Variants in SPINT2 observed in about 807,000 individuals in gnomAD.
SPINT2 encodes serine peptidase inhibitor, Kunitz type 2, also known as kunitz-type protease inhibitor 2.
A neutral mutation model predicts 30.1 loss-of-function variants in SPINT2; 18 were observed. The observed-to-expected ratio is 0.60, with a 90% CI of 0.41 to 0.89. SPINT2 has a LOEUF of 0.89. SPINT2 is among the 40% of genes least tolerant of loss of function. The pLI is 0.00. For missense variants in SPINT2, 276 were observed against 334.3 expected, an observed-to-expected ratio of 0.83 and a Z score of 1.36; for synonymous variants, 139 against 137.9, an observed-to-expected ratio of 1.01 and a Z score of -0.05.
chr19:38,287,439 T>C (rs8105067), intron 2 of SPINT2, among the ~76,000 whole-genome samples: 60,509 of 152,078 alleles, frequency 0.4, 12,773 homozygotes, highest in East Asian at 0.64. Context: ...CCTCGCGATC[T>C]GCCCACCCTG....
Position 38,288,943 on chromosome 19 carries a change from C to T in SPINT2, c.338-195C>T, listed in dbSNP as rs147181710. On this transcript the variant is annotated intron_variant, in intron 3 of 6. Coordinates refer to ENST00000301244, the MANE Select transcript of SPINT2 (RefSeq NM_021102.4). ...CCCTGAGGTGGCGGCAGGGCCACCA[C>T]ATCCAGCACTCTCAGTGTGTGCGTA... 3 of 594,126 alleles carry T rather than the reference C, an allele frequency of 5.0e-6. No homozygotes were observed. The African/African-American group carries it at 5.6e-5, about 11-fold the overall frequency. 36.8% of individuals were successfully genotyped at this position (594,126 alleles called of 1,614,324 possible). A position where few individuals can be genotyped will look rare whatever the true frequency, so the allele number is the denominator to read the frequency against.
At position 38,289,761 on chromosome 19, in the gene SPINT2, C is replaced by G. The variant is rs963925219; in HGVS notation, c.392-358C>G. 5.2e-5 allele frequency: 19 copies of G among 366,304 alleles called. No homozygotes were observed. In the Middle Eastern group the frequency reaches 2.8e-3, roughly 55 times the overall value. 22.7% of individuals were successfully genotyped at this position (366,304 alleles called of 1,614,324 possible). On this transcript the variant is annotated intron_variant, in intron 4 of 6. Transcript: ENST00000301244. The stretch of plus-strand genomic sequence containing the variant: ...ACGTGGCTCTGCAATTTACATTGTC[C>G]CTGAACCTCTCGCCAGCGGCTTGGC...
chr19:38,289,744 C>G, intron 4 of SPINT2: 1 of 337,198 alleles, frequency 3.0e-6, no homozygotes, highest in Non-Finnish European at 5.7e-6. Flanking sequence ...GCACGTGGCT[C>G]TGCAATTTAC....
At chr19:38,271,124 T>C (rs1416677604) in intron 1 of SPINT2, among the ~76,000 whole-genome samples, 7 of 152,190 alleles carry the variant, frequency 4.6e-5, no homozygotes, top group African/African-American at 1.2e-4. Context: ...CCTTGGCAGG[T>C]GAAGTAGGAG....
chr19:38,275,932 G>A (rs1220806633), intron 1 of SPINT2, among the ~76,000 whole-genome samples: 1 of 150,284 alleles, frequency 6.7e-6, no homozygotes, highest in Non-Finnish European at 1.5e-5. Context: ...TCTCCATATT[G>A]GTCAGGCTGG....
Position 38,264,941 on chromosome 19 carries a change from C to G in SPINT2, c.49C>G (p.Leu17Val). ...LRRSRAFLAL[L>V]GSLLLSGVLA... ...GCGGAGCCGGGCGTTTCTCGCCCTGCTGGGATCGCTGCTCCTCTCTGGGGT... is the reference window on the plus strand; with the variant it reads ...GCGGAGCCGGGCGTTTCTCGCCCTGGTGGGATCGCTGCTCCTCTCTGGGGT... Residue 17 changes from leucine (L) to valine (V), a missense_variant, in exon 1 of 7, where the codon CTG becomes GTG. Transcript: ENST00000301244. 6.5e-7 allele frequency: 1 copy of G among 1,536,528 alleles called. No individual in the cohort carries two copies. The highest frequency in any genetic ancestry group is 8.7e-7 in the Non-Finnish European group (1 of 1,145,644).
intron 1 of SPINT2, among the ~76,000 whole-genome samples, chr19:38,278,202 GGCCTGGCCTTTGTGAGC>G (rs1286491303): frequency 6.6e-6 from 1 of 152,180 alleles, no homozygotes; most frequent in Non-Finnish European, 1.5e-5. Context: ...CCTGGCAGAG[GGCCTGGCCTTTGTGAGC>G]CCTCAGATTG....
chr19:38,286,214 G>A (rs1968639193), intron 2 of SPINT2, among the ~76,000 whole-genome samples: 1 of 152,190 alleles, frequency 6.6e-6, no homozygotes, highest in Non-Finnish European at 1.5e-5. Flanking sequence ...GAAGGCAAGT[G>A]AGAATGAGAC....
At chr19:38,273,773 T>C (rs1968483454) in intron 1 of SPINT2, among the ~76,000 whole-genome samples, 1 of 152,162 alleles carries the variant, frequency 6.6e-6, no homozygotes. Context: ...GGTTGTACTT[T>C]TGGCCTTCCC....
At chr19:38,278,663 G>T (rs1378375998) in intron 1 of SPINT2, among the ~76,000 whole-genome samples, 1 of 152,130 alleles carries the variant, frequency 6.6e-6, no homozygotes, top group African/African-American at 2.4e-5. Flanking sequence ...TTAGCCAGGC[G>T]TGGTGGTGGG....
intron 1 of SPINT2, among the ~76,000 whole-genome samples, chr19:38,279,556 AC>A (rs1404904928): frequency 6.6e-6 from 1 of 152,030 alleles, no homozygotes; most frequent in Non-Finnish European, 1.5e-5. Flanking sequence ...CATTTTGTAA[AC>A]CCCCATGCAC....
chr19:38,264,782 C>T lies in SPINT2; in HGVS notation c.-111C>T. The T allele has an allele frequency of 5.9e-6, 7 of 1,183,764 alleles. No homozygotes were observed. Among genetic ancestry groups the T allele is most frequent in the Non-Finnish European group, 8.3e-6 (7 of 840,070 alleles). The allele number at this position is 1,183,764 out of a possible 1,614,324, so 73.3% of individuals were successfully genotyped here. A position where few individuals can be genotyped will look rare whatever the true frequency, so the allele number is the denominator to read the frequency against. On this transcript the variant is annotated 5_prime_UTR_variant, in exon 1 of 7. Coordinates refer to ENST00000301244, the MANE Select transcript of SPINT2 (RefSeq NM_021102.4). The stretch of plus-strand genomic sequence containing the variant: ...CTGGCGGACCCTCCCGGAGCGTCGG[C>T]ACCTGAACGCGAGGCGCTCCATTGC...
At chr19:38,271,862 C>G (rs763175560) in intron 1 of SPINT2, among the ~76,000 whole-genome samples, 1 of 151,754 alleles carries the variant, frequency 6.6e-6, no homozygotes, top group African/African-American at 2.4e-5. Flanking sequence ...TTTACTCACA[C>G]GTGTTGGAGA....
intron 1 of SPINT2, among the ~76,000 whole-genome samples, chr19:38,282,076 G>A (rs1211940013): frequency 6.6e-6 from 1 of 152,220 alleles, no homozygotes; most frequent in Non-Finnish European, 1.5e-5. Context: ...TCTATTGTGT[G>A]GGTGGGATTT....
intron 1 of SPINT2, among the ~76,000 whole-genome samples, chr19:38,267,070 CG>C (rs1968387826): frequency 6.6e-6 from 1 of 152,174 alleles, no homozygotes; most frequent in African/African-American, 2.4e-5. Context: ...CGAGGTCACT[CG>C]GTAGTAGTAA....
At chr19:38,276,593 G>A (rs570296757) in intron 1 of SPINT2, among the ~76,000 whole-genome samples, 1 of 151,916 alleles carries the variant, frequency 6.6e-6, no homozygotes, top group Admixed American at 6.6e-5. Flanking sequence ...AGTGAGCCAA[G>A]ATCGCACCAC....
At chr19:38,291,812 C>A (rs753633899) in intron 6 of SPINT2, 28 bp from the exon 7 acceptor site, 1 of 1,610,310 alleles carries the variant, frequency 6.2e-7, no homozygotes, top group South Asian at 1.1e-5. Flanking sequence ...TTGCCTGGCC[C>A]GTCCTGAGGC....
intron 3 of SPINT2, 29 bp from the exon 4 acceptor site, chr19:38,289,109 C>T (rs1420346048): frequency 6.2e-7 from 1 of 1,611,906 alleles, no homozygotes; most frequent in Non-Finnish European, 8.5e-7. Context: ...TCCGGCCCAG[C>T]CTCCCTAACA....
chr19:38,291,844 G>A lies in SPINT2; in HGVS notation c.597G>A (p.Val199=), dbSNP rs1968723184. 2 of 1,612,424 alleles carry A rather than the reference G, an allele frequency of 1.2e-6. No individual in the cohort carries two copies. The highest frequency in any genetic ancestry group is 1.1e-5 in the South Asian group (1 of 90,992). The change falls in exon 7 of 7, where the codon GTG becomes GTA. Residue 199 remains valine (V), a synonymous_variant. Transcript: ENST00000301244. ...NPPLPLGSKV[V]VLAGLFVMVL... ...AGGCCCCTCTCTCGTCCTCAGTGGT[G>A]GTTCTGGCGGGGCTGTTCGTGATGG...
Sources: allele counts gnomAD v4.1 joint callset (sites outside exome capture counted in the v4.1 genomes callset), GRCh38; gene constraint gnomAD v4.1.1; transcripts MANE v1.5; gene names NCBI Gene and HGNC (gene_info 2026-07-23, HGNC 2026-07-21).